The following CHODL variants were observed in gnomAD, a reference collection of about 807,000 sequenced individuals.
CHODL encodes transmembrane protein MT75.
In CHODL, 29 loss-of-function variants were observed where a neutral mutation model predicts 34.5. The observed-to-expected ratio is 0.84, with a 90% CI of 0.63 to 1.15. The LOEUF (loss-of-function observed/expected upper bound fraction) is 1.15. Among genes scored for constraint, CHODL ranks in the 50% most tolerant of loss-of-function variants. The pLI, the probability that CHODL is intolerant of heterozygous loss-of-function variation, is 0.00. For missense variants in CHODL, 332 were observed against 332.5 expected (o/e 1.00, Z 0.01); for synonymous variants, 125 against 116.1 (o/e 1.08, Z -0.49).
intron 2 of CHODL, among the ~76,000 whole-genome samples, chr21:18,238,522 C>T (rs1018775203): frequency 9.2e-5 from 14 of 151,984 alleles, no homozygotes; most frequent in African/African-American, 2.9e-4. Context: ...CCACAACATG[C>T]GGGAATTATG....
intron 1 of CHODL, among the ~76,000 whole-genome samples, chr21:17,945,106 G>T (rs9983826): frequency 0.43 from 64,349 of 151,304 alleles, 13,976 homozygotes; most frequent in East Asian, 0.61. Context: ...CAGCTACTCG[G>T]GAGGCTGAGG....
At chr21:18,134,240 T>C (rs1451298300) in intron 2 of CHODL, 1 of 475,490 alleles carries the variant, frequency 2.1e-6, no homozygotes, top group Non-Finnish European at 4.2e-6. Context: ...TAGGTGTGCA[T>C]ATGCCTCTGC....
chr21:18,240,460 G>A (rs2074070886), upstream of CHODL, among the ~76,000 whole-genome samples: 1 of 152,108 alleles, frequency 6.6e-6, no homozygotes, highest in Non-Finnish European at 1.5e-5. Flanking sequence ...TTAGATTAAT[G>A]TTTCTGCTAG....
At chr21:18,252,909 C>G (rs980823982) in intron 1 of CHODL, among the ~76,000 whole-genome samples, 5 of 152,086 alleles carry the variant, frequency 3.3e-5, no homozygotes, top group Non-Finnish European at 5.9e-5. Flanking sequence ...TATCCACAAC[C>G]AGAGACACAG....
At chr21:18,075,688 T>C (rs1162089240) in intron 2 of CHODL, among the ~76,000 whole-genome samples, 1 of 152,218 alleles carries the variant, frequency 6.6e-6, no homozygotes, top group East Asian at 1.9e-4. Flanking sequence ...ATCTGCCTGC[T>C]AATAGGCACT....
At chr21:18,039,893 T>G (rs1367798448) in intron 2 of CHODL, among the ~76,000 whole-genome samples, 1 of 151,804 alleles carries the variant, frequency 6.6e-6, no homozygotes, top group Non-Finnish European at 1.5e-5. Flanking sequence ...TAAAAGGAAT[T>G]TGACATTTAT....
chr21:18,204,113 CAAATT>C (rs1010386279), intron 2 of CHODL, among the ~76,000 whole-genome samples: 11 of 152,038 alleles, frequency 7.2e-5, no homozygotes, highest in African/African-American at 2.2e-4. Flanking sequence ...TTAAAAGTAA[CAAATT>C]AATTAAAGTC....
chr21:18,256,401 T>C, intron 1 of CHODL, 108 bp from the exon 2 acceptor site: 1 of 1,039,074 alleles, frequency 9.6e-7, no homozygotes. Flanking sequence ...GAGAAGCATT[T>C]CTGGTAATGT....
In CHODL at chr21:18,266,010, C is replaced by A; in HGVS notation, c.794C>A (p.Thr265Asn). 6.2e-7 allele frequency: 1 copy of A among 1,613,028 alleles called. No homozygotes were observed. Among genetic ancestry groups the A allele is most frequent in the South Asian group, 1.1e-5 (1 of 91,054 alleles). Residue 265 changes from threonine (T) to asparagine (N), a missense_variant, in exon 6 of 6, where the codon ACC becomes AAC. Thr to Asn is a moderately conservative substitution (Grantham distance 65). Coordinates refer to ENST00000299295, the MANE Select transcript of CHODL (RefSeq NM_024944.3). ...TCTACACTGTGGATTTCAAAGAGTA[C>A]CAGAAAAGAAAGTGGCATGGAAGTA... Reference protein sequence around the residue: ...NQSTLWISKSTRKESGMEV With the variant: ...NQSTLWISKSNRKESGMEV
At position 18,193,707 on chromosome 21, in the gene CHODL, A is replaced by T. The variant is rs113133271; in HGVS notation, c.-44-62802A>T. Among the ~76,000 whole-genome samples the T allele has an allele frequency of 4.0e-3, 566 of 141,428 alleles. 5 individuals carry two copies. Among genetic ancestry groups the T allele is most frequent in the African/African-American group, 0.014 (498 of 35,318 alleles). 92.8% of individuals were successfully genotyped at this position (141,428 alleles called of 152,430 possible). ...CAAGACTCTGTCTCAGAAAAAAAAA[A>T]AAATAAAATAAATAAATAAATAAAT... On this transcript the variant is annotated intron_variant, in intron 2 of 6. Coordinates refer to the CHODL transcript ENST00000400127.
intron 1 of CHODL, among the ~76,000 whole-genome samples, chr21:18,253,267 A>G (rs1352900983): frequency 6.6e-6 from 1 of 152,056 alleles, no homozygotes; most frequent in East Asian, 1.9e-4. Flanking sequence ...GGGCTTTGTT[A>G]CATATAACAA....
chr21:18,197,552 G>T (rs1483611261), intron 2 of CHODL, among the ~76,000 whole-genome samples: 1 of 152,188 alleles, frequency 6.6e-6, no homozygotes, highest in Non-Finnish European at 1.5e-5. Context: ...GGATGCGGAG[G>T]TTGCGGTGAG....
At chr21:18,109,589 T>A (rs1017041893) in intron 2 of CHODL, among the ~76,000 whole-genome samples, 17 of 152,212 alleles carry the variant, frequency 1.1e-4, no homozygotes, top group African/African-American at 4.1e-4. Context: ...TCTGCTGTTT[T>A]ACCTCTTTCA....
chr21:18,113,549 C>T (rs754745758), intron 2 of CHODL, among the ~76,000 whole-genome samples: 13 of 152,090 alleles, frequency 8.5e-5, no homozygotes, highest in African/African-American at 2.2e-4. Context: ...AGGCACATCC[C>T]GCATGGCTGG....
At chr21:17,975,808 A>G (rs530805905) in intron 1 of CHODL, among the ~76,000 whole-genome samples, 2 of 152,194 alleles carry the variant, frequency 1.3e-5, no homozygotes, top group African/African-American at 2.4e-5. Context: ...AATCTATGAT[A>G]CTTAAATTGC....
rs545925386 is a variant in CHODL at position 18,227,119 on chromosome 21, G to T, written c.-44-29390G>T. On this transcript the variant is annotated intron_variant, in intron 2 of 6. Transcript: ENST00000400127. ...GTCCTCACATAGTGGAAGGGGCAAGGCAACTTTTTGGGGCTTGTTTTGTAA... is the reference window on the plus strand; with the variant it reads ...GTCCTCACATAGTGGAAGGGGCAAGTCAACTTTTTGGGGCTTGTTTTGTAA... Among the ~76,000 whole-genome samples, 4 of 152,124 alleles carry T rather than the reference G, an allele frequency of 2.6e-5. No homozygotes were observed. The East Asian group carries it at 5.8e-4, about 22-fold the overall frequency.
At chr21:18,249,232 C>A (rs2074205939) in intron 1 of CHODL, among the ~76,000 whole-genome samples, 1 of 148,464 alleles carries the variant, frequency 6.7e-6, no homozygotes, top group South Asian at 2.1e-4. Flanking sequence ...GTCAGGAATT[C>A]ATATACAAGT....
intron 1 of CHODL, among the ~76,000 whole-genome samples, chr21:18,251,048 C>A (rs1417786697): frequency 6.6e-6 from 1 of 151,210 alleles, no homozygotes; most frequent in Non-Finnish European, 1.5e-5. Context: ...AGAAAATAAA[C>A]AAATATAAGC....
chr21:18,029,303 G>A (rs2064220208), intron 2 of CHODL, among the ~76,000 whole-genome samples: 1 of 152,028 alleles, frequency 6.6e-6, no homozygotes, highest in African/African-American at 2.4e-5. Context: ...TTAATTTATG[G>A]CATTAGAATC....
Sources: allele counts gnomAD v4.1 joint callset (sites outside exome capture counted in the v4.1 genomes callset), GRCh38; gene constraint gnomAD v4.1.1; transcripts MANE v1.5; gene names NCBI Gene and HGNC (gene_info 2026-07-23, HGNC 2026-07-21).